CSMD3: variants seen among roughly 807,000 people sequenced by gnomAD.
CSMD3 encodes CUB and sushi domain-containing protein 3.
A neutral mutation model predicts 435.2 loss-of-function variants in CSMD3; 177 were observed. The ratio of observed to expected loss-of-function variants is 0.41; its 90% CI spans 0.36 to 0.46. The LOEUF (loss-of-function observed/expected upper bound fraction) is 0.46, where lower values mean the gene tolerates loss of function less well. Ranked by LOEUF, CSMD3 falls within the 20% of genes least tolerant of loss-of-function variation. The pLI is 0.34. For missense variants in CSMD3, 4,265 were observed against 4,504.6 expected (o/e 0.95, Z 1.52); for synonymous variants, 1,656 against 1,520.5 (o/e 1.09, Z -2.07).
At chr8:112,731,509 G>C (rs2077074295) in intron 13 of CSMD3, among the ~76,000 whole-genome samples, 1 of 152,092 alleles carries the variant, frequency 6.6e-6, no homozygotes, top group East Asian at 1.9e-4. Flanking sequence ...ATGGATTTTA[G>C]ATAAATTAAC....
intron 28 of CSMD3, 149 bp from the exon 29 acceptor site, chr8:112,506,978 T>C: frequency 2.9e-6 from 2 of 698,012 alleles, no homozygotes; most frequent in Non-Finnish European, 4.9e-6. Context: ...TACAGCATTA[T>C]GTTTCAAGAA....
At chr8:113,111,640 A>G (rs951764352) in intron 4 of CSMD3, among the ~76,000 whole-genome samples, 17 of 152,080 alleles carry the variant, frequency 1.1e-4, no homozygotes, top group Non-Finnish European at 5.9e-5. Flanking sequence ...GAACGGGCCC[A>G]TCACTACAAG....
chr8:112,968,054 A>C (rs2084491228), intron 7 of CSMD3, among the ~76,000 whole-genome samples: 1 of 151,814 alleles, frequency 6.6e-6, no homozygotes, highest in Non-Finnish European at 1.5e-5. Flanking sequence ...CCAAATAAAG[A>C]AGTTTTCGAA....
At chr8:112,239,115 T>C (rs1429819420) in intron 66 of CSMD3, among the ~76,000 whole-genome samples, 1 of 152,114 alleles carries the variant, frequency 6.6e-6, no homozygotes, top group Non-Finnish European at 1.5e-5. Context: ...AACACAGAAC[T>C]GTAACCAATC....
intron 38 of CSMD3, among the ~76,000 whole-genome samples, chr8:112,378,531 G>A (rs1829169898): frequency 6.6e-6 from 1 of 152,132 alleles, no homozygotes; most frequent in Non-Finnish European, 1.5e-5. Context: ...TGGAATTAGA[G>A]GATGTTACGT....
At chr8:112,564,080 T>A (rs147215324) in intron 24 of CSMD3, among the ~76,000 whole-genome samples, 1 of 152,032 alleles carries the variant, frequency 6.6e-6, no homozygotes, top group Non-Finnish European at 1.5e-5. Context: ...AGCATTTTTT[T>A]ATTCTGCTGA....
intron 32 of CSMD3, among the ~76,000 whole-genome samples, chr8:112,451,524 T>G (rs543469571): frequency 6.6e-6 from 1 of 152,272 alleles, no homozygotes; most frequent in Admixed American, 6.5e-5. Context: ...TTAACAATTA[T>G]AAGTACAAAT....
chr8:113,212,636 G>A (rs1192800953), intron 3 of CSMD3, among the ~76,000 whole-genome samples: 1 of 151,778 alleles, frequency 6.6e-6, no homozygotes, highest in Non-Finnish European at 1.5e-5. Context: ...ACTATCACAA[G>A]GACAAAAAAC....
chr8:112,287,017 A>C (rs774333611), intron 58 of CSMD3, 47 bp downstream of exon 58: 6 of 1,476,024 alleles, frequency 4.1e-6, no homozygotes, highest in Non-Finnish European at 5.7e-6. Context: ...TTAGATACAC[A>C]CTAAAATCCA....
At chr8:112,767,137 G>A (rs964503814) in intron 13 of CSMD3, among the ~76,000 whole-genome samples, 3 of 151,806 alleles carry the variant, frequency 2.0e-5, no homozygotes, top group Non-Finnish European at 2.9e-5. Flanking sequence ...AAACAATGAT[G>A]AAAAGTAGAG....
At chr8:113,013,026 A>G (rs2086313919) in intron 6 of CSMD3, among the ~76,000 whole-genome samples, 1 of 152,108 alleles carries the variant, frequency 6.6e-6, no homozygotes, top group Admixed American at 6.6e-5. Flanking sequence ...TAGAAAAAAT[A>G]TATCATTGAA....
At chr8:113,041,720 G>C (rs1229649957) in intron 5 of CSMD3, among the ~76,000 whole-genome samples, 4 of 151,952 alleles carry the variant, frequency 2.6e-5, no homozygotes, top group African/African-American at 9.7e-5. Context: ...TGTTATGTCT[G>C]TATTGTTTCA....
intron 32 of CSMD3, among the ~76,000 whole-genome samples, chr8:112,445,674 T>C (rs984012188): frequency 3.9e-5 from 6 of 152,060 alleles, no homozygotes; most frequent in African/African-American, 1.4e-4. Context: ...CATTTCAACA[T>C]GAGATTTGAA....
At chr8:112,416,740 T>A (rs1018379758) in intron 32 of CSMD3, among the ~76,000 whole-genome samples, 5 of 152,174 alleles carry the variant, frequency 3.3e-5, no homozygotes, top group Non-Finnish European at 7.4e-5. Flanking sequence ...AATATTTCAA[T>A]TTGTTTGTCA....
At chr8:112,940,867 T>C (rs2083431288) in intron 9 of CSMD3, among the ~76,000 whole-genome samples, 1 of 151,866 alleles carries the variant, frequency 6.6e-6, no homozygotes, top group Non-Finnish European at 1.5e-5. Context: ...GCTACAGTCA[T>C]GTGATTAGAA....
At chr8:112,479,764 A>G (rs1381290919) in intron 31 of CSMD3, among the ~76,000 whole-genome samples, 1 of 152,218 alleles carries the variant, frequency 6.6e-6, no homozygotes, top group African/African-American at 2.4e-5. Flanking sequence ...ATGTCAGAGA[A>G]TGTATAGAAA....
chr8:112,856,465 G>A (rs2080661902), intron 11 of CSMD3, among the ~76,000 whole-genome samples: 1 of 151,788 alleles, frequency 6.6e-6, no homozygotes, highest in Non-Finnish European at 1.5e-5. Flanking sequence ...TAACAGGAGG[G>A]AAGTATGTTT....
chr8:112,402,195 T>A (rs932873529), intron 35 of CSMD3, among the ~76,000 whole-genome samples: 2 of 152,208 alleles, frequency 1.3e-5, no homozygotes, highest in Non-Finnish European at 2.9e-5. Flanking sequence ...TCAGAGATTA[T>A]GTAAATTTTC....
At chr8:112,571,132 C>G in intron 24 of CSMD3, among the ~76,000 whole-genome samples, 1 of 152,100 alleles carries the variant, frequency 6.6e-6, no homozygotes, top group Non-Finnish European at 1.5e-5. Flanking sequence ...CTCACCCTCC[C>G]TAGTAGCTGG....
Sources: allele counts gnomAD v4.1 joint callset (sites outside exome capture counted in the v4.1 genomes callset), GRCh38; gene constraint gnomAD v4.1.1; transcripts MANE v1.5; gene names NCBI Gene and HGNC (gene_info 2026-07-23, HGNC 2026-07-21).